NRXN1: variants seen among roughly 807,000 people sequenced by gnomAD.
NRXN1 encodes the protein neurexin 1.
In NRXN1, 39 loss-of-function variants were observed where a neutral mutation model predicts 150.9. The observed-to-expected ratio is 0.26, with a 90% CI of 0.20 to 0.34. NRXN1 has a LOEUF of 0.34. Ranked by LOEUF, NRXN1 falls within the 10% of genes least tolerant of loss-of-function variation. NRXN1 has a pLI of 1.00. For synonymous variants in NRXN1, 924 were observed against 757.0 expected (o/e 1.22, Z -3.62); for missense variants, 1,815 against 1,949.9 (o/e 0.93, Z 1.30).
chr2:50,259,122 C>T lies in NRXN1; in HGVS notation c.3365-22152G>A, dbSNP rs545357725. Among the ~76,000 whole-genome samples, 9 of 152,052 alleles carry T rather than the reference C, an allele frequency of 5.9e-5. No individual in the cohort carries two copies. In the South Asian group the frequency reaches 1.9e-3, roughly 31 times the overall value. On this transcript the variant is annotated intron_variant, in intron 17 of 22. Coordinates refer to ENST00000401669, the MANE Select transcript of NRXN1 (RefSeq NM_001330078.2). ...AGCCCCTAAAAGAGAGTCAGCCTGT[C>T]TTTTGCACCTCTGAAAACAGGCATT...
At chr2:50,728,502 C>A (rs903074172) in intron 5 of NRXN1, among the ~76,000 whole-genome samples, 1 of 152,044 alleles carries the variant, frequency 6.6e-6, no homozygotes, top group Admixed American at 6.5e-5. Context: ...GGCTTGTTTT[C>A]CCTTCCATCT....
chr2:50,992,609 G>A (rs1225116125), intron 2 of NRXN1, among the ~76,000 whole-genome samples: 1 of 151,974 alleles, frequency 6.6e-6, no homozygotes, highest in East Asian at 1.9e-4. Flanking sequence ...GCCTTTTGAG[G>A]ATTAAGAAGG....
intron 5 of NRXN1, among the ~76,000 whole-genome samples, chr2:50,635,314 T>C (rs1683069858): frequency 6.7e-6 from 1 of 150,292 alleles, no homozygotes. Flanking sequence ...CCCGCCACCA[T>C]GCCTAGCTTT....
intron 18 of NRXN1, among the ~76,000 whole-genome samples, chr2:50,173,251 T>A (rs550895418): frequency 6.6e-6 from 1 of 152,176 alleles, no homozygotes; most frequent in Non-Finnish European, 1.5e-5. Flanking sequence ...AGATGCAGAC[T>A]ATAAACAAAT....
chr2:50,061,083 G>A (rs1357847079), intron 19 of NRXN1, among the ~76,000 whole-genome samples: 3 of 152,026 alleles, frequency 2.0e-5, no homozygotes, highest in Non-Finnish European at 4.4e-5. Flanking sequence ...TCATAAAAAT[G>A]TTGCATACTA....
chr2:50,611,287 A>G (rs1349101539), intron 8 of NRXN1, among the ~76,000 whole-genome samples: 1 of 152,120 alleles, frequency 6.6e-6, no homozygotes, highest in African/African-American at 2.4e-5. Context: ...ATGCTATGCT[A>G]GCTTGATATT....
chr2:50,960,071 A>AT (rs200219318), intron 2 of NRXN1, among the ~76,000 whole-genome samples: 207 of 150,678 alleles, frequency 1.4e-3, no homozygotes, highest in African/African-American at 4.3e-3. Context: ...TCTCAAAAGA[A>AT]TTTTTTTTTT....
chr2:50,955,909 G>A (rs1397598341), intron 2 of NRXN1, among the ~76,000 whole-genome samples: 1 of 152,182 alleles, frequency 6.6e-6, no homozygotes, highest in East Asian at 1.9e-4. Flanking sequence ...GGGGAGGACA[G>A]TCCGTTTTCC....
At chr2:50,166,604 G>C (rs1219026135) in intron 18 of NRXN1, among the ~76,000 whole-genome samples, 3 of 151,876 alleles carry the variant, frequency 2.0e-5, no homozygotes, top group Non-Finnish European at 4.4e-5. Flanking sequence ...AAATATATGT[G>C]TTTTTTGGCT....
At chr2:50,443,166 ATTTG>A (rs960202032) in intron 17 of NRXN1, among the ~76,000 whole-genome samples, 2 of 152,182 alleles carry the variant, frequency 1.3e-5, no homozygotes, top group African/African-American at 4.8e-5. Flanking sequence ...TGTTTGGTTT[ATTTG>A]TTTGTAAGAT....
At chr2:50,466,544 T>C (rs1465095787) in intron 16 of NRXN1, 6 of 455,550 alleles carry the variant, frequency 1.3e-5, no homozygotes, top group Non-Finnish European at 2.7e-5. Flanking sequence ...TAAGCAATAC[T>C]GAAATGGGGC....
At chr2:50,073,829 A>T (rs1301441739) in intron 19 of NRXN1, among the ~76,000 whole-genome samples, 1 of 152,236 alleles carries the variant, frequency 6.6e-6, no homozygotes, top group Non-Finnish European at 1.5e-5. Context: ...AAGCTCTTAC[A>T]CATAAATGAG....
At chr2:50,666,153 G>T (rs1253691001) in intron 5 of NRXN1, among the ~76,000 whole-genome samples, 1 of 151,900 alleles carries the variant, frequency 6.6e-6, no homozygotes, top group African/African-American at 2.4e-5. Flanking sequence ...AGATAATAAA[G>T]TAAGTAGACT....
At chr2:50,284,167 A>G (rs1344770001) in intron 17 of NRXN1, among the ~76,000 whole-genome samples, 1 of 152,196 alleles carries the variant, frequency 6.6e-6, no homozygotes, top group African/African-American at 2.4e-5. Context: ...TGGTACAGTG[A>G]CCTTTGAGGA....
rs182147573 is a variant in NRXN1 at position 50,990,793 on chromosome 2, C to T, written c.772+36709G>A. Among the ~76,000 whole-genome samples the T allele has an allele frequency of 9.8e-4, 149 of 152,060 alleles. 1 individual carries two copies. The highest frequency in any genetic ancestry group is 3.4e-3 in the Middle Eastern group (1 of 294). Reference sequence around the variant, plus strand: ...CCCAGATCCATGGCTCACATGCTGGCCAAGGAGCTGAAGTGTCGTAGTGCT... The same window carrying T: ...CCCAGATCCATGGCTCACATGCTGGTCAAGGAGCTGAAGTGTCGTAGTGCT... On this transcript the variant is annotated intron_variant, in intron 2 of 22. Coordinates refer to ENST00000401669, the MANE Select transcript of NRXN1 (RefSeq NM_001330078.2).
At chr2:49,983,938 G>A (rs1049061635) in intron 21 of NRXN1, among the ~76,000 whole-genome samples, 7 of 152,074 alleles carry the variant, frequency 4.6e-5, no homozygotes, top group Non-Finnish European at 7.4e-5. Context: ...TGAGGCAGGA[G>A]GATTACTTGA....
intron 17 of NRXN1, among the ~76,000 whole-genome samples, chr2:50,240,741 A>C (rs934542228): frequency 3.3e-5 from 5 of 151,730 alleles, no homozygotes; most frequent in African/African-American, 1.2e-4. Context: ...CCTATTTGAA[A>C]AAAGATGGGG....
intron 3 of NRXN1, among the ~76,000 whole-genome samples, chr2:50,924,691 A>G (rs1018302525): frequency 1.3e-5 from 2 of 151,772 alleles, no homozygotes; most frequent in Non-Finnish European, 3.0e-5. Flanking sequence ...ATATATGGAT[A>G]CAACACTTAG....
intron 5 of NRXN1, among the ~76,000 whole-genome samples, chr2:50,757,529 T>C (rs1701286173): frequency 6.6e-6 from 1 of 151,844 alleles, no homozygotes; most frequent in African/African-American, 2.4e-5. Flanking sequence ...ACAACTATGA[T>C]ATATGAATAC....
Sources: gnomAD v4.1 joint callset for allele counts (sites outside exome capture counted in the v4.1 genomes callset) on GRCh38, gnomAD v4.1.1 for gene constraint, MANE v1.5 for transcripts, NCBI Gene and HGNC (gene_info 2026-07-23, HGNC 2026-07-21) for gene names.